The following IPO8 variants were observed in gnomAD, a reference collection of about 807,000 sequenced individuals.
The protein encoded by IPO8 is importin-8.
IPO8 carries 65 observed loss-of-function variants against 141.2 expected under a neutral mutation model. The ratio of observed to expected loss-of-function variants is 0.46; its 90% confidence interval spans 0.38 to 0.57. The LOEUF (loss-of-function observed/expected upper bound fraction) is 0.57, where lower values mean the gene tolerates loss of function less well. IPO8 is among the 20% of genes least tolerant of loss of function. IPO8 has a pLI of 0.00. For missense variants in IPO8, 980 were observed against 1,246.8 expected, an observed-to-expected ratio of 0.79 and a Z score of 3.22; for synonymous variants, 411 against 420.3, an observed-to-expected ratio of 0.98 and a Z score of 0.27.
chr12:30,662,097 T>C (rs1280071130), intron 15 of IPO8, among the ~76,000 whole-genome samples: 2 of 152,174 alleles, frequency 1.3e-5, no homozygotes, highest in Non-Finnish European at 2.9e-5. Flanking sequence ...AGTGAATACT[T>C]AGGCAATCAT....
Position 30,636,450 on chromosome 12 carries a change from C to T in IPO8, c.2695+532G>A, listed in dbSNP as rs555647595. ...TTATTCTGATTCTCAAGTATATCCACTTCATTTATGTACTTTACCTTAATT... is the reference window on the plus strand; with the variant it reads ...TTATTCTGATTCTCAAGTATATCCATTTCATTTATGTACTTTACCTTAATT... On this transcript the variant is annotated intron_variant, in intron 22 of 24. Transcript: ENST00000256079. Among the ~76,000 whole-genome samples, 9 of 152,132 alleles carry T rather than the reference C, an allele frequency of 5.9e-5. No homozygotes were observed. The South Asian group carries it at 6.2e-4, about 10-fold the overall frequency.
Position 30,639,701 on chromosome 12 carries a change from C to A in IPO8, c.2303G>T (p.Arg768Ile). 1 of 1,614,102 alleles carries A rather than the reference C, an allele frequency of 6.2e-7. No homozygotes were observed. Among genetic ancestry groups the A allele is most frequent in the Non-Finnish European group, 8.5e-7 (1 of 1,180,000 alleles). The change falls in exon 21 of 25, where the codon AGA becomes ATA. Residue 768 changes from arginine to isoleucine, a missense_variant. Around this residue, in one of 3 missense-constraint regions of IPO8, gnomAD observed 924 missense variants for 1,153.9 expected, o/e 0.80. Coordinates refer to ENST00000256079, the MANE Select transcript of IPO8 (RefSeq NM_006390.4). ...IPLFVQLVLE[R>I]LTRGVKTSEL... ...ACTAGTTTTGACCCCTCGAGTTAAT[C>A]TCTCCAAAACAAGTTGAACGAAGAG...
intron 21 of IPO8, among the ~76,000 whole-genome samples, chr12:30,637,907 T>TTCACTTGCAGCGATTC (rs1477663579): frequency 3.3e-5 from 5 of 152,224 alleles, no homozygotes; most frequent in African/African-American, 1.2e-4. Context: ...TCAATGTGTT[T>TTCACTTGCAGCGATTC]AAAGTGCGAA....
intron 22 of IPO8, 89 bp from the exon 23 acceptor site, chr12:30,634,375 A>G (rs1355166876): frequency 8.7e-6 from 9 of 1,034,656 alleles, no homozygotes; most frequent in Non-Finnish European, 1.3e-5. Context: ...CTATAAAACT[A>G]CACTCTGGAA....
intron 22 of IPO8, among the ~76,000 whole-genome samples, chr12:30,635,185 G>A (rs1426869171): frequency 1.3e-5 from 2 of 151,994 alleles, no homozygotes; most frequent in African/African-American, 2.4e-5. Flanking sequence ...TGGGAATGTT[G>A]GTAAAAGGGT....
chr12:30,660,789 T>C (rs1390832700), intron 16 of IPO8, among the ~76,000 whole-genome samples: 1 of 152,134 alleles, frequency 6.6e-6, no homozygotes, highest in Non-Finnish European at 1.5e-5. Context: ...TACCAAGAAT[T>C]CTAGATTGTT....
chr12:30,674,649 A>G lies in IPO8; in HGVS notation c.824+10T>C, dbSNP rs748681758. 7 of 1,571,516 alleles carry G rather than the reference A, an allele frequency of 4.5e-6. No homozygotes were observed. The South Asian group carries it at 5.5e-5, about 12-fold the overall frequency. On this transcript the variant is annotated intron_variant, in intron 7 of 24. Coordinates refer to ENST00000256079, the MANE Select transcript of IPO8 (RefSeq NM_006390.4). The stretch of plus-strand genomic sequence containing the variant: ...CTGTATGATCATCAATGTAATAAAC[A>G]GATAATTACCGTTCAAAGAGCCGAG...
At chr12:30,682,069 A>T (rs2053194615) in intron 3 of IPO8, among the ~76,000 whole-genome samples, 1 of 152,216 alleles carries the variant, frequency 6.6e-6, no homozygotes, top group Non-Finnish European at 1.5e-5. Flanking sequence ...TACAGTTTAA[A>T]AAAATTGTTT....
Position 30,684,401 on chromosome 12 carries a change from G to T in IPO8, c.223C>A (p.Pro75Thr). The T allele has an allele frequency of 1.2e-6, 2 of 1,614,080 alleles. No individual in the cohort carries two copies. The highest frequency in any genetic ancestry group is 1.7e-6 in the Non-Finnish European group (2 of 1,179,980). The change falls in exon 3 of 25, where the codon CCA becomes ACA. Residue 75 changes from proline (P) to threonine (T), a missense_variant. By Grantham distance (38) the Pro-to-Thr change is conservative (BLOSUM62 -1). Transcript: ENST00000256079. ...TTGAATGGAAATATTGCTTCTCCTG[G>T]TGGAGGTTCTCGATCTGGCCAGTAT... ...TQYWPDREPPPGEAIFPFNIH... is the reference protein window; with the variant it reads ...TQYWPDREPPTGEAIFPFNIH...
At chr12:30,659,030 G>A (rs957556025) in intron 16 of IPO8, among the ~76,000 whole-genome samples, 7 of 151,796 alleles carry the variant, frequency 4.6e-5, no homozygotes, top group Non-Finnish European at 5.9e-5. Flanking sequence ...ACAGGCGCCC[G>A]CCACCACGCC....
At chr12:30,677,005 T>C in intron 5 of IPO8, 1 of 1,521,820 alleles carries the variant, frequency 6.6e-7, no homozygotes, top group Non-Finnish European at 8.8e-7. Context: ...TGTAGCATAA[T>C]AACTACAGTC....
chr12:30,646,680 A>G (rs895378328), intron 20 of IPO8, among the ~76,000 whole-genome samples: 9 of 152,190 alleles, frequency 5.9e-5, no homozygotes, highest in African/African-American at 1.7e-4. Context: ...TTATATTTCT[A>G]TACACTGGCA....
intron 23 of IPO8, among the ~76,000 whole-genome samples, chr12:30,632,778 G>A (rs966636039): frequency 6.6e-6 from 1 of 152,116 alleles, no homozygotes; most frequent in Non-Finnish European, 1.5e-5. Flanking sequence ...CCCCTGAAGT[G>A]AATTACCACA....
chr12:30,639,999 AAGAGTCCACGCTCAAAC>A (rs2052555500), intron 20 of IPO8, among the ~76,000 whole-genome samples: 1 of 152,254 alleles, frequency 6.6e-6, no homozygotes, highest in African/African-American at 2.4e-5. Flanking sequence ...ATTGTCCTGT[AAGAGTCCACGCTCAAAC>A]AGTGTCAATA....
At chr12:30,657,246 T>TA (rs1200288429) in intron 16 of IPO8, among the ~76,000 whole-genome samples, 1 of 152,196 alleles carries the variant, frequency 6.6e-6, no homozygotes, top group African/African-American at 2.4e-5. Context: ...AGTGAATTTT[T>TA]AAAAATTGAA....
Position 30,634,250 on chromosome 12 carries a change from G to A in IPO8, c.2732C>T (p.Thr911Ile). ...ISSDEEETNV[T>I]AQAMQSNNGR... Reference sequence around the variant, plus strand: ...ATTATTTGACTGCATTGCTTGAGCAGTTACATTTGTCTCCTCTTCATCACT... The same window carrying A: ...ATTATTTGACTGCATTGCTTGAGCAATTACATTTGTCTCCTCTTCATCACT... Residue 911 changes from threonine to isoleucine, a missense_variant, in exon 23 of 25, where the codon ACT becomes ATT. Thr to Ile is a moderately conservative substitution (Grantham distance 89). This residue lies in a region of IPO8 where 924 missense variants were observed against 1,153.9 expected (regional missense o/e 0.80). Transcript: ENST00000256079. The A allele has an allele frequency of 6.2e-7, 1 of 1,613,784 alleles. No homozygotes were observed. Among genetic ancestry groups the A allele is most frequent in the East Asian group, 2.2e-5 (1 of 44,858 alleles).
chr12:30,668,448 A>G (rs2052999914), intron 10 of IPO8, among the ~76,000 whole-genome samples: 1 of 152,218 alleles, frequency 6.6e-6, no homozygotes. Flanking sequence ...TTCAACATGT[A>G]TTGAAGGCAT....
At position 30,630,382 on chromosome 12, in the gene IPO8, A is replaced by T. The variant is rs16916147; in HGVS notation, c.*478T>A. 0.01 allele frequency: 1,560 copies of T among 152,892 alleles called. 36 individuals carry two copies. Among genetic ancestry groups the T allele is most frequent in the East Asian group, 0.084 (437 of 5,202 alleles). 9.5% of individuals were successfully genotyped at this position (152,892 alleles called of 1,614,324 possible). A position where few individuals can be genotyped will look rare whatever the true frequency, so the allele number is the denominator to read the frequency against. On this transcript the variant is annotated 3_prime_UTR_variant, in exon 25 of 25. Transcript: ENST00000256079. ...CCTAACAATAAATTCACAGAGTAAA[A>T]TGCAGAATAGTTGACATATAACCAA...
At chr12:30,676,162 G>T (rs770721830) in intron 6 of IPO8, among the ~76,000 whole-genome samples, 2 of 152,034 alleles carry the variant, frequency 1.3e-5, no homozygotes, top group Non-Finnish European at 2.9e-5. Flanking sequence ...CTGGCCTCAA[G>T]TGATCCTCCC....
Sources: gnomAD v4.1 joint callset for allele counts (sites outside exome capture counted in the v4.1 genomes callset) on GRCh38, gnomAD v4.1.1 for gene constraint, gnomAD v4.1.1 regional missense constraint, MANE v1.5 for transcripts, NCBI Gene and HGNC (gene_info 2026-07-23, HGNC 2026-07-21) for gene names.